The following AAR2 variants were observed in gnomAD, a reference collection of about 807,000 sequenced individuals.
AAR2 encodes protein AAR2 homolog.
AAR2 carries 31 observed loss-of-function variants against 26.9 expected under a neutral mutation model. That is an observed-to-expected ratio of 1.15 (90% confidence interval 0.86 to 1.55). The LOEUF is 1.55. Among genes scored for constraint, AAR2 ranks in the 40% most tolerant of loss-of-function variants. The pLI, the probability that AAR2 is intolerant of heterozygous loss-of-function variation, is 0.00. For missense variants in AAR2, 430 were observed against 491.3 expected, an observed-to-expected ratio of 0.88 and a Z score of 1.18; for synonymous variants, 188 against 196.1, an observed-to-expected ratio of 0.96 and a Z score of 0.34.
chr20:36,255,362 A>G (rs2064811094), intron 3 of AAR2, among the ~76,000 whole-genome samples: 1 of 152,204 alleles, frequency 6.6e-6, no homozygotes, highest in Non-Finnish European at 1.5e-5. Flanking sequence ...CTCTGCCCAG[A>G]TAGTAATTTT....
chr20:36,255,513 T>C, intron 3 of AAR2, 65 bp from the exon 4 acceptor site: 1 of 1,582,970 alleles, frequency 6.3e-7, no homozygotes, highest in South Asian at 1.1e-5. Flanking sequence ...TGAGGAAATT[T>C]CCACAGCTTT....
intron 3 of AAR2, among the ~76,000 whole-genome samples, chr20:36,245,462 A>G (rs571383751): frequency 9.2e-5 from 14 of 152,364 alleles, no homozygotes; most frequent in Admixed American, 7.8e-4. Flanking sequence ...GCTTCAAACA[A>G]CTTACAATCT....
Position 36,255,536 on chromosome 20 carries a change from C to T in AAR2, c.988-42C>T, listed in dbSNP as rs372683628. 5 of 1,608,972 alleles carry T rather than the reference C, an allele frequency of 3.1e-6. No individual in the cohort carries two copies. In the African/African-American group the frequency reaches 5.3e-5, roughly 17 times the overall value. ...TTTCCACAGCTTTCTCGCCCCCTGC[C>T]CTCCGTCTTCTCAGGAGTGACTTAT... On this transcript the variant is annotated intron_variant, in intron 3 of 3. Transcript: ENST00000320849.
intron 3 of AAR2, among the ~76,000 whole-genome samples, chr20:36,250,369 T>G (rs1254565457): frequency 6.6e-6 from 1 of 152,242 alleles, no homozygotes; most frequent in Non-Finnish European, 1.5e-5. Flanking sequence ...ATGCTGAGAT[T>G]AAGGTGATTT....
In AAR2 at chr20:36,240,127, A is replaced by G; in HGVS notation, c.259A>G (p.Thr87Ala). ...FFLSLHQRGL[T>A]VLRWSTLREE... is the part of the protein sequence containing the mutation. ...CCTTAGCCTGCACCAGCGGGGGCTGACAGTGCTGCGCTGGAGCACACTCAG... is the reference window on the plus strand; with the variant it reads ...CCTTAGCCTGCACCAGCGGGGGCTGGCAGTGCTGCGCTGGAGCACACTCAG... The change falls in exon 2 of 4, where the codon ACA becomes GCA. Residue 87 changes from threonine (T) to alanine (A), a missense_variant. Coordinates refer to ENST00000320849, the MANE Select transcript of AAR2 (RefSeq NM_001271874.2). 1 of 1,614,212 alleles carries G rather than the reference A, an allele frequency of 6.2e-7. No homozygotes were observed. Among genetic ancestry groups the G allele is most frequent in the Non-Finnish European group, 8.5e-7 (1 of 1,180,034 alleles).
chr20:36,255,682 T>C lies in AAR2; in HGVS notation c.1092T>C (p.Ala364=). 1.2e-6 allele frequency: 2 copies of C among 1,614,196 alleles called. No individual in the cohort carries two copies. Among genetic ancestry groups the C allele is most frequent in the Non-Finnish European group, 1.7e-6 (2 of 1,180,030 alleles). The change falls in exon 4 of 4, where the codon GCT becomes GCC. Residue 364 remains alanine, a synonymous_variant. Transcript: ENST00000320849. ...HLTKKFRWDF[A]AEPEDCAPVV... ...CCAAGAAGTTCCGGTGGGACTTTGC[T>C]GCGGAACCTGAGGACTGTGCCCCGG...
chr20:36,255,718 G>T lies in AAR2; in HGVS notation c.1128G>T (p.Glu376Asp). 6.2e-7 allele frequency: 1 copy of T among 1,614,116 alleles called. No homozygotes were observed. Among genetic ancestry groups the T allele is most frequent in the Non-Finnish European group, 8.5e-7 (1 of 1,180,026 alleles). Residue 376 changes from glutamate to aspartate, a missense_variant, in exon 4 of 4, where the codon GAG becomes GAT. By Grantham distance (45) the Glu-to-Asp change is conservative. Coordinates refer to ENST00000320849, the MANE Select transcript of AAR2 (RefSeq NM_001271874.2). ...AGGACTGTGCCCCGGTGGTGGTGGA[G>T]CTCCCTGAGGGCATCGAGATGGGCT... ...EPEDCAPVVV[E>D]LPEGIEMG
rs2064664267 is a variant in AAR2 at position 36,240,248 on chromosome 20, A to G, written c.380A>G (p.Tyr127Cys). 6.2e-7 allele frequency: 1 copy of G among 1,614,058 alleles called. No homozygotes were observed. The change falls in exon 2 of 4, where the codon TAT (tyrosine) becomes TGT (cysteine). Residue 127 changes from tyrosine (Y) to cysteine (C), a missense_variant. Transcript: ENST00000320849. ...ELDQFLGPYP[Y>C]ATLKKWISLT... Reference sequence around the variant, plus strand: ...GACCAGTTCCTGGGGCCTTACCCATATGCCACCCTGAAGAAGTGGATCTCA... The same window carrying G: ...GACCAGTTCCTGGGGCCTTACCCATGTGCCACCCTGAAGAAGTGGATCTCA...
intron 3 of AAR2, among the ~76,000 whole-genome samples, chr20:36,253,767 C>T (rs991663479): frequency 2.6e-5 from 4 of 152,154 alleles, no homozygotes; most frequent in Non-Finnish European, 4.4e-5. Flanking sequence ...ACCCAATTTA[C>T]AAATGGGCAA....
At chr20:36,247,313 G>T (rs1299948887) in intron 3 of AAR2, among the ~76,000 whole-genome samples, 1 of 152,094 alleles carries the variant, frequency 6.6e-6, no homozygotes, top group Admixed American at 6.5e-5. Flanking sequence ...GTGCTTACCA[G>T]TTACCCCATC....
In AAR2 at chr20:36,255,701, G is replaced by GC. The variant is rs1167803690; in HGVS notation, c.1115dup (p.Val373GlyfsTer7). Reference sequence around the variant, plus strand: ...CTTTGCTGCGGAACCTGAGGACTGTGCCCCGGTGGTGGTGGAGCTCCCTGA... The same window carrying GC: ...CTTTGCTGCGGAACCTGAGGACTGTGCCCCCGGTGGTGGTGGAGCTCCCTGA... On this transcript the variant is annotated frameshift_variant, in exon 4 of 4. Transcript: ENST00000320849. LOFTEE classifies it high-confidence loss of function. 1 of 1,614,042 alleles carries GC rather than the reference G, an allele frequency of 6.2e-7. No homozygotes were observed. The highest frequency in any genetic ancestry group is 8.5e-7 in the Non-Finnish European group (1 of 1,180,036).
At chr20:36,251,644 G>T (rs1229141621) in intron 3 of AAR2, among the ~76,000 whole-genome samples, 1 of 152,210 alleles carries the variant, frequency 6.6e-6, no homozygotes, top group Non-Finnish European at 1.5e-5. Context: ...GCGTGTTGCC[G>T]CATGCCTAGT....
Position 36,255,670 on chromosome 20 carries a change from G to A in AAR2, c.1080G>A (p.Arg360=). The change falls in exon 4 of 4, where the codon CGG becomes CGA. Residue 360 remains arginine, a synonymous_variant. Coordinates refer to ENST00000320849, the MANE Select transcript of AAR2 (RefSeq NM_001271874.2). ...AAGCTCACCTGACCAAGAAGTTCCGGTGGGACTTTGCTGCGGAACCTGAGG... is the reference window on the plus strand; with the variant it reads ...AAGCTCACCTGACCAAGAAGTTCCGATGGGACTTTGCTGCGGAACCTGAGG... ...KFQAHLTKKF[R]WDFAAEPEDC... 1 of 1,614,184 alleles carries A rather than the reference G, an allele frequency of 6.2e-7. No individual in the cohort carries two copies.
intron 2 of AAR2, among the ~76,000 whole-genome samples, chr20:36,241,906 A>G (rs1321458617): frequency 6.6e-6 from 1 of 152,178 alleles, no homozygotes; most frequent in East Asian, 1.9e-4. Flanking sequence ...GCTGGCTGGT[A>G]GGAACCTGTT....
intron 3 of AAR2, among the ~76,000 whole-genome samples, chr20:36,254,861 A>G (rs1210713939): frequency 1.3e-5 from 2 of 152,172 alleles, no homozygotes; most frequent in Non-Finnish European, 2.9e-5. Flanking sequence ...CCCACCTCAA[A>G]CGTGCTCAGA....
In AAR2 at chr20:36,255,827, G is replaced by A. The variant is rs2064816801; in HGVS notation, c.*82G>A. 1.3e-6 allele frequency: 2 copies of A among 1,531,448 alleles called. No individual in the cohort carries two copies. Among genetic ancestry groups the A allele is most frequent in the Non-Finnish European group, 1.8e-6 (2 of 1,132,748 alleles). 94.9% of individuals were successfully genotyped at this position (1,531,448 alleles called of 1,614,324 possible). A position where few individuals can be genotyped will look rare whatever the true frequency, so the allele number is the denominator to read the frequency against. ...CTCTCCATTTACTTCTTCCCATCCT[G>A]GGACCTGCCAGGGCAGCAATCTCTC... On this transcript the variant is annotated 3_prime_UTR_variant, in exon 4 of 4. Coordinates refer to ENST00000320849, the MANE Select transcript of AAR2 (RefSeq NM_001271874.2).
At chr20:36,243,078 C>T (rs1352366321) in intron 2 of AAR2, among the ~76,000 whole-genome samples, 2 of 152,092 alleles carry the variant, frequency 1.3e-5, no homozygotes, top group East Asian at 3.9e-4. Flanking sequence ...GTCTCAAACT[C>T]CTGAACTCAA....
chr20:36,252,169 G>A (rs1043282549), intron 3 of AAR2, among the ~76,000 whole-genome samples: 1 of 152,146 alleles, frequency 6.6e-6, no homozygotes, highest in African/African-American at 2.4e-5. Context: ...GCATTCAGGG[G>A]CCTGGTAAAG....
In AAR2 at chr20:36,246,606, G is replaced by A. The variant is rs186898407; in HGVS notation, c.987+1680G>A. On this transcript the variant is annotated intron_variant, in intron 3 of 3. Transcript: ENST00000320849. ...AGTGGCTGCTTCCCTCCTGATGCAC[G>A]TTGATGCGTCGCACAGACACAGGAG... Among the ~76,000 whole-genome samples the A allele has an allele frequency of 5.9e-5, 9 of 152,292 alleles. No homozygotes were observed. In the East Asian group the frequency reaches 1.2e-3, roughly 20 times the overall value.
Sources: allele counts gnomAD v4.1 joint callset (sites outside exome capture counted in the v4.1 genomes callset), GRCh38; gene constraint gnomAD v4.1.1; transcripts MANE v1.5; gene names NCBI Gene and HGNC (gene_info 2026-07-23, HGNC 2026-07-21).